Variants in LRMDA observed in about 807,000 individuals in gnomAD.
The protein encoded by LRMDA is leucine rich melanocyte differentiation associated, also known as leucine-rich melanocyte differentiation-associated protein.
A neutral mutation model predicts 29.8 loss-of-function variants in LRMDA; 18 were observed. The ratio of observed to expected loss-of-function variants is 0.60; its 90% confidence interval spans 0.42 to 0.90. The LOEUF (loss-of-function observed/expected upper bound fraction) is 0.90, where lower values mean the gene tolerates loss of function less well. Ranked by LOEUF, LRMDA falls within the 40% of genes least tolerant of loss-of-function variation. The pLI, the probability that LRMDA is intolerant of heterozygous loss-of-function variation, is 0.00. For missense variants in LRMDA, 273 were observed against 273.9 expected (o/e 1.00, Z 0.02); for synonymous variants, 125 against 109.4 (o/e 1.14, Z -0.89).
chr10:75,501,930 G>A (rs1193197895), intron 2 of LRMDA, among the ~76,000 whole-genome samples: 1 of 152,094 alleles, frequency 6.6e-6, no homozygotes, highest in African/African-American at 2.4e-5. Context: ...AAGTGCTGGG[G>A]TTACAGACAT....
intron 5 of LRMDA, among the ~76,000 whole-genome samples, chr10:76,140,987 A>G (rs548766136): frequency 3.4e-4 from 51 of 152,152 alleles, no homozygotes; most frequent in African/African-American, 1.2e-3. Flanking sequence ...AATTGCCTAC[A>G]TTCCCCCATC....
At chr10:76,549,475 A>G (rs547752702) in intron 6 of LRMDA, among the ~76,000 whole-genome samples, 3 of 152,278 alleles carry the variant, frequency 2.0e-5, no homozygotes, top group East Asian at 1.9e-4. Context: ...TGTCAAAAGG[A>G]TAGGTTGCCT....
chr10:75,660,918 A>T (rs1024367774), intron 2 of LRMDA, among the ~76,000 whole-genome samples: 1 of 152,104 alleles, frequency 6.6e-6, no homozygotes, highest in Non-Finnish European at 1.5e-5. Context: ...ATTACTCCCT[A>T]TGTAGCTGCT....
At chr10:76,022,959 GCTTA>G (rs1312351490) in intron 2 of LRMDA, among the ~76,000 whole-genome samples, 1 of 151,798 alleles carries the variant, frequency 6.6e-6, no homozygotes, top group Admixed American at 6.6e-5. Flanking sequence ...TTCTTCTTCT[GCTTA>G]CTTGACTAGT....
In LRMDA at chr10:75,577,694, C is replaced by T. The variant is rs7082684; in HGVS notation, c.131+139200C>T. ...ATCACACTAACAGCAGATCTCTCAG[C>T]GGAAACTGTACAAGCCAGAAGAGAG... On this transcript the variant is annotated intron_variant, in intron 2 of 6. Coordinates refer to ENST00000611255, the MANE Select transcript of LRMDA (RefSeq NM_001305581.2). Among the ~76,000 whole-genome samples the T allele has an allele frequency of 2.4e-3, 371 of 152,230 alleles. 5 individuals are homozygous for T. The highest frequency in any genetic ancestry group is 8.8e-3 in the African/African-American group (364 of 41,540).
At chr10:75,850,706 A>G (rs1295614909) in intron 2 of LRMDA, among the ~76,000 whole-genome samples, 2 of 152,222 alleles carry the variant, frequency 1.3e-5, no homozygotes, top group South Asian at 2.1e-4. Flanking sequence ...GGTTCCTGCC[A>G]TCTTGGAGTT....
chr10:75,474,064 T>C (rs1231235408), intron 2 of LRMDA, among the ~76,000 whole-genome samples: 1 of 152,184 alleles, frequency 6.6e-6, no homozygotes, highest in African/African-American at 2.4e-5. Flanking sequence ...GCGTTCCAAG[T>C]AATATCATCT....
At chr10:75,782,800 C>G (rs2133705) in intron 2 of LRMDA, 28 of 1,422,262 alleles carry the variant, frequency 2.0e-5, no homozygotes, top group Admixed American at 2.7e-5. Flanking sequence ...CCGCAACTTT[C>G]ACTTGTTGAG....
chr10:75,960,616 T>G (rs536203782), intron 2 of LRMDA, among the ~76,000 whole-genome samples: 128 of 152,304 alleles, frequency 8.4e-4, no homozygotes, highest in African/African-American at 2.9e-3. Context: ...TTTTAAATTT[T>G]TATTTATTTA....
At chr10:75,528,521 G>C (rs960838751) in intron 2 of LRMDA, among the ~76,000 whole-genome samples, 2 of 152,186 alleles carry the variant, frequency 1.3e-5, no homozygotes, top group African/African-American at 2.4e-5. Flanking sequence ...CCTGAAGCAG[G>C]GGTTGAGAAG....
At chr10:75,909,289 A>G (rs1845807200) in intron 2 of LRMDA, among the ~76,000 whole-genome samples, 1 of 152,124 alleles carries the variant, frequency 6.6e-6, no homozygotes, top group Non-Finnish European at 1.5e-5. Context: ...TTTCAGTAGG[A>G]CCTTTTATTT....
chr10:75,463,398 C>T (rs1005874665), intron 2 of LRMDA, among the ~76,000 whole-genome samples: 3 of 152,072 alleles, frequency 2.0e-5, no homozygotes, highest in Non-Finnish European at 4.4e-5. Context: ...CCATTCCTCC[C>T]ACAGACTGTC....
chr10:76,274,361 G>C (rs1156280845), intron 5 of LRMDA, among the ~76,000 whole-genome samples: 1 of 152,148 alleles, frequency 6.6e-6, no homozygotes, highest in Non-Finnish European at 1.5e-5. Flanking sequence ...TAATGGGCCT[G>C]GGGCACAATC....
At chr10:76,294,872 G>A (rs1840392998) in intron 5 of LRMDA, among the ~76,000 whole-genome samples, 6 of 152,182 alleles carry the variant, frequency 3.9e-5, no homozygotes, top group Admixed American at 3.9e-4. Flanking sequence ...CAACTTGGAT[G>A]TGATGGAGGC....
chr10:75,883,012 C>T (rs1589239912), intron 2 of LRMDA, among the ~76,000 whole-genome samples: 1 of 152,168 alleles, frequency 6.6e-6, no homozygotes, highest in African/African-American at 2.4e-5. Context: ...AGTCCTTGTG[C>T]CCCAGTGACA....
chr10:75,951,899 C>A (rs756442428), intron 2 of LRMDA, among the ~76,000 whole-genome samples: 4 of 152,322 alleles, frequency 2.6e-5, no homozygotes, highest in Non-Finnish European at 4.4e-5. Flanking sequence ...ACGTTACCTG[C>A]GGTCCTGGAG....
At chr10:76,440,475 C>T (rs1050140745) in intron 6 of LRMDA, among the ~76,000 whole-genome samples, 2 of 152,130 alleles carry the variant, frequency 1.3e-5, no homozygotes, top group African/African-American at 4.8e-5. Flanking sequence ...TTTAGTTTCG[C>T]TGAGTTCAGT....
At chr10:75,644,129 C>T (rs1841486770) in intron 2 of LRMDA, among the ~76,000 whole-genome samples, 1 of 152,158 alleles carries the variant, frequency 6.6e-6, no homozygotes, top group Non-Finnish European at 1.5e-5. Context: ...CTTGTAGCTT[C>T]CCTCTTATCC....
chr10:76,146,114 T>C (rs1850312884), intron 5 of LRMDA, among the ~76,000 whole-genome samples: 2 of 151,820 alleles, frequency 1.3e-5, no homozygotes, highest in Admixed American at 6.6e-5. Context: ...CTTCCAACTA[T>C]GTGGTCAATT....
Sources: gnomAD v4.1 joint callset for allele counts (sites outside exome capture counted in the v4.1 genomes callset) on GRCh38, gnomAD v4.1.1 for gene constraint, MANE v1.5 for transcripts, NCBI Gene and HGNC (gene_info 2026-07-23, HGNC 2026-07-21) for gene names.